Variants in IQSEC1 observed in about 807,000 individuals in gnomAD.
IQSEC1 encodes IQ motif and Sec7 domain ArfGEF 1.
A neutral mutation model predicts 91.0 loss-of-function variants in IQSEC1; 31 were observed. The ratio of observed to expected loss-of-function variants is 0.34; its 90% CI spans 0.26 to 0.46. The LOEUF is 0.46. IQSEC1 is among the 20% of genes least tolerant of loss of function. IQSEC1 has a pLI of 1.00. For missense variants in IQSEC1, 1,388 were observed against 1,575.6 expected (o/e 0.88, Z 2.02); for synonymous variants, 699 against 662.6 (o/e 1.05, Z -0.84).
chr3:12,946,298 A>G (rs1169246335), intron 1 of IQSEC1, among the ~76,000 whole-genome samples: 2 of 152,210 alleles, frequency 1.3e-5, no homozygotes, highest in African/African-American at 4.8e-5. Context: ...GGACTGGTGA[A>G]CACACCAGTG....
At chr3:13,266,793 A>T (rs1005881335) in intron 1 of IQSEC1, among the ~76,000 whole-genome samples, 1 of 151,946 alleles carries the variant, frequency 6.6e-6, no homozygotes, top group Admixed American at 6.6e-5. Context: ...CTCCCTAACA[A>T]CGCTCGCTGC....
At chr3:13,068,415 G>A (rs564682964) in intron 1 of IQSEC1, among the ~76,000 whole-genome samples, 3 of 152,354 alleles carry the variant, frequency 2.0e-5, no homozygotes, top group African/African-American at 4.8e-5. Context: ...ACAACGGGGA[G>A]CAGGCCTGGG....
intron 1 of IQSEC1, among the ~76,000 whole-genome samples, chr3:13,236,489 G>A (rs531661970): frequency 6.6e-6 from 1 of 152,156 alleles, no homozygotes; most frequent in South Asian, 2.1e-4. Context: ...ATGGTCCTAA[G>A]GGTGCTCCAA....
chr3:13,045,384 G>C (rs1279949487), intron 1 of IQSEC1, among the ~76,000 whole-genome samples: 1 of 152,216 alleles, frequency 6.6e-6, no homozygotes. Context: ...TGCTCAACGA[G>C]GGATCCTGAG....
chr3:13,202,319 A>C (rs567772006), intron 1 of IQSEC1, among the ~76,000 whole-genome samples: 1 of 152,370 alleles, frequency 6.6e-6, no homozygotes, highest in South Asian at 2.1e-4. Context: ...TAGGAAAGAA[A>C]CGAAAGTTGG....
In IQSEC1 at chr3:13,097,010, G is replaced by A. The variant is rs541377414; in HGVS notation, c.303-49488C>T. Among the ~76,000 whole-genome samples the A allele has an allele frequency of 4.6e-5, 7 of 152,158 alleles. No homozygotes were observed. In the South Asian group the frequency reaches 1.0e-3, roughly 23 times the overall value. On this transcript the variant is annotated intron_variant, in intron 2 of 15. Transcript: ENST00000648114. ...CAAGTAGCTGGGACTACAGGCGCCC[G>A]CCACCACGCCTGGCTAATTTTTTGT...
chr3:13,028,965 G>A (rs908791724), intron 1 of IQSEC1, among the ~76,000 whole-genome samples: 1 of 152,168 alleles, frequency 6.6e-6, no homozygotes, highest in Non-Finnish European at 1.5e-5. Flanking sequence ...ACACCTTCTG[G>A]CCTACCTCAG....
intron 1 of IQSEC1, among the ~76,000 whole-genome samples, chr3:13,025,622 T>C (rs1703583757): frequency 6.6e-6 from 1 of 152,206 alleles, no homozygotes; most frequent in South Asian, 2.1e-4. Flanking sequence ...TGTCTGCCTG[T>C]GGTCTTAGGG....
At position 12,898,384 on chromosome 3, in the gene IQSEC1, T is replaced by A. The variant is rs1693855800; in HGVS notation, c.*2599A>T. 6.6e-6 allele frequency: 1 copy of A among 152,254 alleles called. No homozygotes were observed. The highest frequency in any genetic ancestry group is 2.4e-5 in the African/African-American group (1 of 41,446). 9.4% of individuals were successfully genotyped at this position (152,254 alleles called of 1,614,324 possible). A position where few individuals can be genotyped will look rare whatever the true frequency, so the allele number is the denominator to read the frequency against. ...ACCTCACTAGCCTGAAGGAACACAC[T>A]GAGTGCGGCGGGAAACCCCGGGAAG... On this transcript the variant is annotated 3_prime_UTR_variant, in exon 14 of 14. Coordinates refer to ENST00000613206, the MANE Select transcript of IQSEC1 (RefSeq NM_001134382.3).
chr3:13,237,338 TGGACA>T (rs1230070928), intron 1 of IQSEC1, among the ~76,000 whole-genome samples: 4 of 152,216 alleles, frequency 2.6e-5, no homozygotes, highest in African/African-American at 9.6e-5. Flanking sequence ...TCCGAGGCTC[TGGACA>T]GGGCCTCCCG....
chr3:12,935,737 G>C lies in IQSEC1; in HGVS notation c.1279C>G (p.Pro427Ala). ...AAGTGGCTGTCCAGGGGCCTGGGGG[G>C]CCGGGGCCGCAACTCAGGCTCCTCC... ...PREEPELRPRPPRPLDSHLAI... is the reference protein window; with the variant it reads ...PREEPELRPRAPRPLDSHLAI... The change falls in exon 3 of 14, where the codon CCC becomes GCC. Residue 427 changes from proline to alanine, a missense_variant. Transcript: ENST00000613206. The surrounding 1 kb of genome is among the most constrained non-coding windows in gnomAD (Gnocchi z 8.0). The C allele has an allele frequency of 6.2e-7, 1 of 1,611,134 alleles. No homozygotes were observed. Among genetic ancestry groups the C allele is most frequent in the Non-Finnish European group, 8.5e-7 (1 of 1,179,856 alleles).
chr3:13,094,679 T>C (rs1391833856), intron 2 of IQSEC1, among the ~76,000 whole-genome samples: 1 of 152,144 alleles, frequency 6.6e-6, no homozygotes, highest in South Asian at 2.1e-4. Context: ...ATCAGGAGTA[T>C]GGCCTGTTCC....
At position 12,901,345 on chromosome 3, in the gene IQSEC1, G is replaced by A. The variant is rs763918726; in HGVS notation, c.2983C>T (p.Pro995Ser). ...HLPSAPALPP[P>S]HPPVVLPHLQ... Reference sequence around the variant, plus strand: ...TGAGGCAGGACCACCGGTGGGTGGGGGGGTGGCAGGGCTGGGGCTGAGGGC... The same window carrying A: ...TGAGGCAGGACCACCGGTGGGTGGGAGGGTGGCAGGGCTGGGGCTGAGGGC... The change falls in exon 14 of 14, where the codon CCC (proline) becomes TCC (serine). Residue 995 changes from proline (P) to serine (S), a missense_variant. Around this residue, in one of 2 missense-constraint regions of IQSEC1, gnomAD observed 329 missense variants for 257.8 expected, o/e 1.28. Transcript: ENST00000613206. 32 of 1,529,474 alleles carry A rather than the reference G, an allele frequency of 2.1e-5. 1 individual carries two copies. The East Asian group carries it at 2.2e-4, about 11-fold the overall frequency. The allele number at this position is 1,529,474 out of a possible 1,614,324, so 94.7% of individuals were successfully genotyped here.
intron 2 of IQSEC1, among the ~76,000 whole-genome samples, chr3:13,127,335 AC>A (rs35024053): frequency 1.3e-5 from 2 of 151,882 alleles, no homozygotes; most frequent in South Asian, 4.2e-4. Flanking sequence ...AATCGCTTGA[AC>A]CCTGGGGGCA....
chr3:13,086,941 C>T (rs184340473), intron 2 of IQSEC1, among the ~76,000 whole-genome samples: 103 of 152,338 alleles, frequency 6.8e-4, no homozygotes, highest in African/African-American at 2.3e-3. Flanking sequence ...ATCGTGGCAT[C>T]CCCCAGTGCA....
chr3:13,149,552 C>A (rs1241716332), intron 2 of IQSEC1, among the ~76,000 whole-genome samples: 1 of 152,098 alleles, frequency 6.6e-6, no homozygotes, highest in Non-Finnish European at 1.5e-5. Flanking sequence ...GAGGACGCAG[C>A]CTGTCAAAGG....
intron 2 of IQSEC1, among the ~76,000 whole-genome samples, chr3:12,939,690 A>C (rs1698572871): frequency 6.6e-6 from 1 of 151,852 alleles, no homozygotes; most frequent in African/African-American, 2.4e-5. Flanking sequence ...TCCATTTCAC[A>C]CACTCGGCAG....
chr3:13,203,634 C>T (rs540732761), intron 1 of IQSEC1, among the ~76,000 whole-genome samples: 31 of 152,308 alleles, frequency 2.0e-4, no homozygotes, highest in Non-Finnish European at 3.8e-4. Context: ...CGAAACACTG[C>T]GCTTGCAGTA....
chr3:12,914,995 G>T, intron 8 of IQSEC1, 109 bp downstream of exon 8: 1 of 1,098,242 alleles, frequency 9.1e-7, no homozygotes, highest in Non-Finnish European at 1.3e-6. Context: ...ATGAACTCAA[G>T]CAGCCAGCAC....
Sources: allele counts gnomAD v4.1 joint callset (sites outside exome capture counted in the v4.1 genomes callset), GRCh38; gene constraint gnomAD v4.1.1; regional missense constraint gnomAD v4.1.1; non-coding constraint Gnocchi (gnomAD v3.1); transcripts MANE v1.5; gene names NCBI Gene and HGNC (gene_info 2026-07-23, HGNC 2026-07-21).